FRS2: variants seen among roughly 807,000 people sequenced by gnomAD.
The protein encoded by FRS2 is fibroblast growth factor receptor substrate 2.
A neutral mutation model predicts 43.9 loss-of-function variants in FRS2; 8 were observed. The ratio of observed to expected loss-of-function variants is 0.18; its 90% confidence interval spans 0.11 to 0.33. The LOEUF (loss-of-function observed/expected upper bound fraction) is 0.33, where lower values mean the gene tolerates loss of function less well. Ranked by LOEUF, FRS2 falls within the 10% of genes least tolerant of loss-of-function variation. FRS2 has a pLI of 1.00. For synonymous variants in FRS2, 219 were observed against 220.3 expected (o/e 0.99, Z 0.05); for missense variants, 534 against 627.6 (o/e 0.85, Z 1.59).
chr12:69,520,534 G>A lies in FRS2; in HGVS notation c.-260-10331G>A, dbSNP rs142463464. On this transcript the variant is annotated intron_variant, in intron 1 of 8. Transcript: ENST00000549921. The stretch of plus-strand genomic sequence containing the variant: ...GATATTGCCTAGGTTGTCTTCCAGA[G>A]TTTTTATAGTTTGGGGTTTTACATT... Among the ~76,000 whole-genome samples the A allele has an allele frequency of 9.4e-3, 1,435 of 152,102 alleles. 26 individuals carry two copies. Among genetic ancestry groups the A allele is most frequent in the African/African-American group, 0.032 (1,330 of 41,482 alleles).
intron 1 of FRS2, among the ~76,000 whole-genome samples, chr12:69,491,997 A>G (rs1872536073): frequency 6.6e-6 from 1 of 152,222 alleles, no homozygotes. Context: ...CTGCAAAAAT[A>G]TGATTACTAG....
chr12:69,506,547 A>G (rs1405476938), intron 1 of FRS2, among the ~76,000 whole-genome samples: 3 of 152,094 alleles, frequency 2.0e-5, no homozygotes, highest in Non-Finnish European at 4.4e-5. Flanking sequence ...CCAGAGAGAG[A>G]GAGTACTCAT....
intron 1 of FRS2, among the ~76,000 whole-genome samples, chr12:69,476,670 A>G (rs1456296438): frequency 6.8e-6 from 1 of 146,282 alleles, no homozygotes; most frequent in African/African-American, 2.5e-5. Flanking sequence ...ATAAGTGCTT[A>G]TTGAAATTGC....
intron 1 of FRS2, among the ~76,000 whole-genome samples, chr12:69,506,343 T>C (rs1289408815): frequency 6.6e-6 from 1 of 152,182 alleles, no homozygotes; most frequent in Non-Finnish European, 1.5e-5. Flanking sequence ...CCTGTAATAC[T>C]TAATTGGTTT....
At chr12:69,570,654 T>C (rs1369593446) in intron 6 of FRS2, 137 bp downstream of exon 6, 1 of 600,838 alleles carries the variant, frequency 1.7e-6, no homozygotes, top group African/African-American at 1.8e-5. Context: ...AGATATAGTA[T>C]ACTGTGTATT....
chr12:69,561,605 A>G (rs1020045553), intron 3 of FRS2, among the ~76,000 whole-genome samples: 5 of 152,180 alleles, frequency 3.3e-5, no homozygotes, highest in African/African-American at 9.7e-5. Flanking sequence ...TATCACTGTA[A>G]TGTCACTGTT....
At chr12:69,568,620 G>A (rs952833243) in intron 4 of FRS2, among the ~76,000 whole-genome samples, 2 of 151,652 alleles carry the variant, frequency 1.3e-5, no homozygotes, top group African/African-American at 4.8e-5. Context: ...TCTCTTTAAA[G>A]AAGGACATGA....
chr12:69,557,634 G>GCGCGCA lies in FRS2; in HGVS notation c.-121-4543_-121-4542insGCACGC, dbSNP rs760565648. ...TGTGTGTGTGTGCGCGCGCGCGCGC[G>GCGCGCA]CGCAGGTGCATGCACGCTAGGATTG... On this transcript the variant is annotated intron_variant, in intron 3 of 8. Transcript: ENST00000549921. 3.2e-3 allele frequency among the ~76,000 whole-genome samples: 470 copies of GCGCGCA among 147,564 alleles called. 2 individuals carry two copies. The highest frequency in any genetic ancestry group is 6.0e-3 in the African/African-American group (235 of 38,860).
At chr12:69,540,239 C>T (rs1229797713) in intron 3 of FRS2, among the ~76,000 whole-genome samples, 1 of 150,540 alleles carries the variant, frequency 6.6e-6, no homozygotes, top group Admixed American at 6.6e-5. Context: ...GACGACAAAG[C>T]GAGACTCCAT....
intron 3 of FRS2, among the ~76,000 whole-genome samples, chr12:69,532,357 T>C (rs1269129085): frequency 1.3e-5 from 2 of 152,172 alleles, no homozygotes; most frequent in Admixed American, 6.6e-5. Flanking sequence ...AGTTCTTCCA[T>C]TGGGGCTCAT....
At chr12:69,547,206 G>A (rs765741691) in intron 3 of FRS2, among the ~76,000 whole-genome samples, 3 of 152,168 alleles carry the variant, frequency 2.0e-5, no homozygotes, top group Non-Finnish European at 2.9e-5. Flanking sequence ...CAGGGGATAG[G>A]GGGAGGAGGG....
chr12:69,498,663 A>G (rs1478574649), intron 1 of FRS2, among the ~76,000 whole-genome samples: 2 of 151,830 alleles, frequency 1.3e-5, no homozygotes, highest in East Asian at 3.9e-4. Context: ...AAAAGATTGG[A>G]CACCCCTGGA....
At chr12:69,512,120 G>T (rs1360224101) in intron 1 of FRS2, among the ~76,000 whole-genome samples, 1 of 152,136 alleles carries the variant, frequency 6.6e-6, no homozygotes, top group Admixed American at 6.5e-5. Flanking sequence ...TGCCTTCCTT[G>T]CTGTAAACCT....
At chr12:69,545,329 A>C (rs1276293731) in intron 3 of FRS2, among the ~76,000 whole-genome samples, 1 of 152,226 alleles carries the variant, frequency 6.6e-6, no homozygotes, top group Non-Finnish European at 1.5e-5. Context: ...TAGCTAAAAC[A>C]ATCTTGAAAA....
chr12:69,574,873 T>C lies in FRS2; in HGVS notation c.1445T>C (p.Met482Thr). 6.2e-7 allele frequency: 1 copy of C among 1,613,982 alleles called. No individual in the cohort carries two copies. The highest frequency in any genetic ancestry group is 8.5e-7 in the Non-Finnish European group (1 of 1,179,948). The part of the protein sequence containing the change: ...AVIDIERTAA[M>T]SNLQKALPRD... ...ATAGACATCGAGAGAACTGCTGCTA[T>C]GTCAAATTTGCAGAAAGCACTGCCA... Residue 482 changes from methionine to threonine, a missense_variant, in exon 9 of 9, where the codon ATG (methionine) becomes ACG (threonine). By Grantham distance (81) the Met-to-Thr change is moderately conservative (BLOSUM62 -1). Transcript: ENST00000549921.
rs1194543695 is a variant in FRS2, at chr12:69,576,510, T to C, written c.*1555T>C. On this transcript the variant is annotated 3_prime_UTR_variant, in exon 9 of 9. Transcript: ENST00000549921. ...GGTTAGGTAACCTTGCAAAATATTT[T>C]ACTATTTTCTCTAAATATGAGGAAG... 1 of 152,224 alleles carries C rather than the reference T, an allele frequency of 6.6e-6. No individual in the cohort carries two copies. Among genetic ancestry groups the C allele is most frequent in the African/African-American group, 2.4e-5 (1 of 41,464 alleles). 9.4% of individuals were successfully genotyped at this position (152,224 alleles called of 1,614,324 possible).
At position 69,511,944 on chromosome 12, in the gene FRS2, C is replaced by G. The variant is rs1398936071; in HGVS notation, c.-260-18921C>G. 3.9e-5 allele frequency among the ~76,000 whole-genome samples: 6 copies of G among 152,258 alleles called. No homozygotes were observed. In the East Asian group the frequency reaches 1.2e-3, roughly 29 times the overall value. On this transcript the variant is annotated intron_variant, in intron 1 of 8. Coordinates refer to ENST00000549921, the MANE Select transcript of FRS2 (RefSeq NM_001278356.2). Reference sequence around the variant, plus strand: ...ATGAGTTTTCTCTGCAGCTTTTGTTCAGTCAGTCTCAACCAGGGATGACAG... The same window carrying G: ...ATGAGTTTTCTCTGCAGCTTTTGTTGAGTCAGTCTCAACCAGGGATGACAG...
At chr12:69,531,335 G>GAAA (rs11380565) in intron 2 of FRS2, among the ~76,000 whole-genome samples, 3 of 140,692 alleles carry the variant, frequency 2.1e-5, no homozygotes, top group Non-Finnish European at 3.1e-5. Context: ...GTCTCAAAAA[G>GAAA]AAAAAAAAAA....
At chr12:69,570,721 A>T (rs1353397388) in intron 6 of FRS2, among the ~76,000 whole-genome samples, 1 of 152,182 alleles carries the variant, frequency 6.6e-6, no homozygotes, top group Non-Finnish European at 1.5e-5. Context: ...GGCTCATGTC[A>T]ACTTTAAGAT....
Sources: gnomAD v4.1 joint callset for allele counts (sites outside exome capture counted in the v4.1 genomes callset) on GRCh38, gnomAD v4.1.1 for gene constraint, MANE v1.5 for transcripts, NCBI Gene and HGNC (gene_info 2026-07-23, HGNC 2026-07-21) for gene names.